Variants in JAKMIP1 observed in about 807,000 individuals in gnomAD.
JAKMIP1 encodes janus kinase and microtubule interacting protein 1.
In JAKMIP1, 33 loss-of-function variants were observed where a neutral mutation model predicts 113.0. The ratio of observed to expected loss-of-function variants is 0.29; its 90% CI spans 0.22 to 0.39. JAKMIP1 has a LOEUF of 0.39. Among genes scored for constraint, JAKMIP1 ranks in the 10% least tolerant of loss-of-function variants. The pLI is 1.00. For synonymous variants in JAKMIP1, 480 were observed against 459.9 expected, an observed-to-expected ratio of 1.04 and a Z score of -0.56; for missense variants, 813 against 1,080.5, an observed-to-expected ratio of 0.75 and a Z score of 3.47.
At chr4:6,098,546 A>AAGAAAGAAAGAAAG (rs71600558) in intron 3 of JAKMIP1, among the ~76,000 whole-genome samples, 2 of 46,488 alleles carry the variant, frequency 4.3e-5, no homozygotes, top group African/African-American at 1.1e-4. Flanking sequence ...GAGAGAAAGA[A>AAGAAAGAAAGAAAG]AAAGAAAGAA....
rs775962295 is a variant in JAKMIP1, at chr4:6,081,731, C to G, written c.979G>C (p.Val327Leu). ...TTCTCCACCAGGGGCTTCAGCTGAA[C>G]CTCGGTCTCTCGTGAGCGTTTCAGC... ...ELLKRSRETE[V>L]QLKPLVEKNK... The change falls in exon 6 of 21, where the codon GTT becomes CTT. Residue 327 changes from valine (V) to leucine (L), a missense_variant. Coordinates refer to ENST00000409021, the MANE Select transcript of JAKMIP1 (RefSeq NM_001099433.2). The surrounding 1 kb of genome is among the most constrained non-coding windows in gnomAD (Gnocchi z 4.6). 9 of 1,614,098 alleles carry G rather than the reference C, an allele frequency of 5.6e-6. No homozygotes were observed. The highest frequency in any genetic ancestry group is 7.6e-6 in the Non-Finnish European group (9 of 1,180,054).
intron 1 of JAKMIP1, among the ~76,000 whole-genome samples, chr4:6,131,227 AAAG>A (rs903017855): frequency 6.6e-6 from 1 of 151,794 alleles, no homozygotes. Flanking sequence ...TATATAAAAA[AAAG>A]AATAACAGGA....
In JAKMIP1 at chr4:6,193,534, C is replaced by G. The variant is rs868130215; in HGVS notation, c.-148+6719G>C. Among the ~76,000 whole-genome samples the G allele has an allele frequency of 6.6e-6, 1 of 152,328 alleles. No homozygotes were observed. On this transcript the variant is annotated intron_variant, in intron 1 of 20. Coordinates refer to ENST00000409021, the MANE Select transcript of JAKMIP1 (RefSeq NM_001099433.2). This position sits in a 1 kb window ranked among gnomAD's most constrained non-coding sequence, Gnocchi z 6.4. ...CAGCTCACACAAGCGCTCTGAGCAG[C>G]AAGAATCCAGCATGTTTCTGCAACC...
chr4:6,124,354 G>A (rs568476157), intron 1 of JAKMIP1, among the ~76,000 whole-genome samples: 11 of 152,296 alleles, frequency 7.2e-5, no homozygotes, highest in African/African-American at 2.2e-4. Flanking sequence ...AGCACATTCA[G>A]GAGTACTTAG....
rs545674782 is a variant in JAKMIP1 at position 6,116,642 on chromosome 4, C to T, written c.-147-3645G>A. Among the ~76,000 whole-genome samples, 66 of 152,328 alleles carry T rather than the reference C, an allele frequency of 4.3e-4. No individual in the cohort carries two copies. The highest frequency in any genetic ancestry group is 3.4e-3 in the Middle Eastern group (1 of 294). ...ATCTCTGACATCACATGTCCCCTGT[C>T]CCAGCCTCCAAGTCGTTTGTCTGTG... On this transcript the variant is annotated intron_variant, in intron 1 of 20. Transcript: ENST00000409021. The surrounding 1 kb of genome is among the most constrained non-coding windows in gnomAD (Gnocchi z 5.1).
chr4:6,054,327 G>C (rs1716052501), intron 12 of JAKMIP1, among the ~76,000 whole-genome samples, 179 bp from the exon 13 acceptor site: 1 of 152,192 alleles, frequency 6.6e-6, no homozygotes, highest in South Asian at 2.1e-4. Flanking sequence ...GGTCCTTTTT[G>C]CTGATGCGGC....
In JAKMIP1 at chr4:6,148,086, T is replaced by C. The variant is rs184393147; in HGVS notation, c.-147-35089A>G. ...AGGTACTAAGCAGGTGCTCAGAGAATAGCGAGTGCAGAAGTGAAAATTAGG... is the reference window on the plus strand; with the variant it reads ...AGGTACTAAGCAGGTGCTCAGAGAACAGCGAGTGCAGAAGTGAAAATTAGG... On this transcript the variant is annotated intron_variant, in intron 1 of 20. Transcript: ENST00000409021. Among the ~76,000 whole-genome samples the C allele has an allele frequency of 1.0e-3, 152 of 152,292 alleles. 1 individual carries two copies. The highest frequency in any genetic ancestry group is 1.0e-3 in the Non-Finnish European group (69 of 68,022).
chr4:6,048,679 C>G (rs555365989), intron 16 of JAKMIP1, among the ~76,000 whole-genome samples, 178 bp downstream of exon 16: 11 of 152,368 alleles, frequency 7.2e-5, no homozygotes, highest in African/African-American at 2.4e-4. Context: ...GGGTTTTCTA[C>G]AGTGAGCATG....
intron 1 of JAKMIP1, among the ~76,000 whole-genome samples, chr4:6,120,567 A>G (rs1043059396): frequency 6.6e-6 from 1 of 152,224 alleles, no homozygotes; most frequent in African/African-American, 2.4e-5. Context: ...GTGGCATGTG[A>G]GCCCTGCCGG....
chr4:6,175,125 C>T (rs1433690537), intron 1 of JAKMIP1, among the ~76,000 whole-genome samples: 1 of 152,180 alleles, frequency 6.6e-6, no homozygotes, highest in African/African-American at 2.4e-5. Context: ...AAACTCCCCT[C>T]ACCTGCCAAA....
intron 1 of JAKMIP1, among the ~76,000 whole-genome samples, chr4:6,170,693 TCCTTAACA>T (rs1724475492): frequency 6.9e-6 from 1 of 144,208 alleles, no homozygotes; most frequent in Non-Finnish European, 1.5e-5. Context: ...ACTGTCACCC[TCCTTAACA>T]CCATCACCAC....
rs373730144 is a variant in JAKMIP1, at chr4:6,080,295, C to T, written c.1119G>A (p.Ala373=). The change falls in exon 7 of 21, where the codon GCG becomes GCA. Residue 373 remains alanine (A), a synonymous_variant. Coordinates refer to ENST00000409021, the MANE Select transcript of JAKMIP1 (RefSeq NM_001099433.2). The surrounding 1 kb of genome is among the most constrained non-coding windows in gnomAD (Gnocchi z 6.0). Reference sequence around the variant, plus strand: ...AGGTATGCCGCTTCAGAGACGCCTGCGCTGACAGCTTTTCTTTCTGCAGCC... The same window carrying T: ...AGGTATGCCGCTTCAGAGACGCCTGTGCTGACAGCTTTTCTTTCTGCAGCC... The part of the protein sequence containing the change: ...ENVEMKEKLS[A]QASLKRHTSL... 174 of 1,613,996 alleles carry T rather than the reference C, an allele frequency of 1.1e-4. 5 individuals carry two copies. The South Asian group carries it at 1.5e-3, about 14-fold the overall frequency.
intron 2 of JAKMIP1, among the ~76,000 whole-genome samples, chr4:6,110,664 ACTGTCT>A (rs1315496798): frequency 6.9e-6 from 1 of 144,660 alleles, no homozygotes; most frequent in Non-Finnish European, 1.5e-5. Flanking sequence ...CCTGTGTGTG[ACTGTCT>A]CATTCATTCC....
At position 6,089,527 on chromosome 4, in the gene JAKMIP1, T is replaced by C. The variant is rs991170851; in HGVS notation, c.625-3898A>G. Among the ~76,000 whole-genome samples, 4 of 152,320 alleles carry C rather than the reference T, an allele frequency of 2.6e-5. No individual in the cohort carries two copies. On this transcript the variant is annotated intron_variant, in intron 3 of 20. Coordinates refer to ENST00000409021, the MANE Select transcript of JAKMIP1 (RefSeq NM_001099433.2). The surrounding 1 kb of genome is among the most constrained non-coding windows in gnomAD (Gnocchi z 5.3). ...AACTTGAGGCCCAGAAAGGGGAATG[T>C]GCTAACACTCTAGTTAGCAGCAGAA...
chr4:6,064,822 A>AG lies in JAKMIP1; in HGVS notation c.1431+57dup. The AG allele has an allele frequency of 6.2e-7, 1 of 1,608,050 alleles. No individual in the cohort carries two copies. On this transcript the variant is annotated intron_variant, in intron 9 of 20. Coordinates refer to ENST00000409021, the MANE Select transcript of JAKMIP1 (RefSeq NM_001099433.2). This position sits in a 1 kb window ranked among gnomAD's most constrained non-coding sequence, Gnocchi z 4.3. ...GAAACTTGCAACTATCAAAAGCAGG[A>AG]GGTGCCGCCCCGAGAGCATCTGGGG...
At position 6,026,207 on chromosome 4, in the gene JAKMIP1, G is replaced by A. The variant is rs372177265; in HGVS notation, c.*21C>T. Reference sequence around the variant, plus strand: ...CGAAAAGGAAAGGATACCAACCCGAGTTCTTGGCTCACTGAAGTCATCAAG... The same window carrying A: ...CGAAAAGGAAAGGATACCAACCCGAATTCTTGGCTCACTGAAGTCATCAAG... On this transcript the variant is annotated 3_prime_UTR_variant, in exon 21 of 21. Coordinates refer to ENST00000409021, the MANE Select transcript of JAKMIP1 (RefSeq NM_001099433.2). The A allele has an allele frequency of 5.8e-6, 9 of 1,547,708 alleles. No individual in the cohort carries two copies. In the East Asian group the frequency reaches 2.2e-4, roughly 38 times the overall value.
Position 6,167,363 on chromosome 4 carries a change from G to A in JAKMIP1, c.-148+32890C>T, listed in dbSNP as rs1259252535. On this transcript the variant is annotated intron_variant, in intron 1 of 20. Transcript: ENST00000409021. This position sits in a 1 kb window ranked among gnomAD's most constrained non-coding sequence, Gnocchi z 5.3. ...CTCCAGCCTCCTCTGCTCTGGCCTG[G>A]ACCACTCCAGCCACCTCCTCACTCA... Among the ~76,000 whole-genome samples, 2 of 150,182 alleles carry A rather than the reference G, an allele frequency of 1.3e-5. No homozygotes were observed.
intron 3 of JAKMIP1, among the ~76,000 whole-genome samples, chr4:6,091,415 C>T (rs546111201): frequency 6.6e-6 from 1 of 152,364 alleles, no homozygotes; most frequent in Admixed American, 6.5e-5. Context: ...CAGAAGAACA[C>T]ATTTTACAAG....
In JAKMIP1 at chr4:6,155,237, C is replaced by T. The variant is rs943866424; in HGVS notation, c.-147-42240G>A. Among the ~76,000 whole-genome samples the T allele has an allele frequency of 1.2e-4, 19 of 152,088 alleles. No homozygotes were observed. Among genetic ancestry groups the T allele is most frequent in the Non-Finnish European group, 2.5e-4 (17 of 68,020 alleles). On this transcript the variant is annotated intron_variant, in intron 1 of 20. Coordinates refer to ENST00000409021, the MANE Select transcript of JAKMIP1 (RefSeq NM_001099433.2). This position sits in a 1 kb window ranked among gnomAD's most constrained non-coding sequence, Gnocchi z 6.1. ...GCCCACGAGGAGGACGAATGCTCCT[C>T]CTAAGGAGGAAACAACATTCCCTCC... is the stretch of plus-strand genomic sequence containing the variant.
Sources: allele counts gnomAD v4.1 joint callset (sites outside exome capture counted in the v4.1 genomes callset), GRCh38; gene constraint gnomAD v4.1.1; non-coding constraint Gnocchi (gnomAD v3.1); transcripts MANE v1.5; gene names NCBI Gene and HGNC (gene_info 2026-07-23, HGNC 2026-07-21).